The following CATSPERE variants were observed in gnomAD, a reference collection of about 807,000 sequenced individuals.
CATSPERE encodes the protein cation channel sperm-associated auxiliary subunit epsilon.
A neutral mutation model predicts 114.1 loss-of-function variants in CATSPERE; 93 were observed. That is an observed-to-expected ratio of 0.81 (90% CI 0.69 to 0.97). The LOEUF (loss-of-function observed/expected upper bound fraction) is 0.97, where lower values mean the gene tolerates loss of function less well. Among genes scored for constraint, CATSPERE ranks in the 50% least tolerant of loss-of-function variants. The pLI is 0.00. For missense variants in CATSPERE, 1,058 were observed against 1,131.6 expected, an observed-to-expected ratio of 0.93 and a Z score of 0.93; for synonymous variants, 341 against 384.1, an observed-to-expected ratio of 0.89 and a Z score of 1.31.
At chr1:244,582,929 A>AAATCAG (rs1558538835) in intron 12 of CATSPERE, among the ~76,000 whole-genome samples, 2 of 1,730 alleles carry the variant, frequency 1.2e-3, no homozygotes, top group East Asian at 0.022. Context: ...ATATATATAT[A>AAATCAG]TATATATATA....
chr1:244,637,914 C>T (rs1424286986), intron 21 of CATSPERE, among the ~76,000 whole-genome samples: 1 of 152,192 alleles, frequency 6.6e-6, no homozygotes, highest in Non-Finnish European at 1.5e-5. Flanking sequence ...AATCTACTAA[C>T]ATCTACATCC....
At chr1:244,491,397 G>A (rs1292471522) in intron 6 of CATSPERE, among the ~76,000 whole-genome samples, 9 of 151,698 alleles carry the variant, frequency 5.9e-5, no homozygotes, top group African/African-American at 9.7e-5. Flanking sequence ...TGAAACCAAC[G>A]AGAACAAAGA....
At chr1:244,634,706 CT>C (rs1674390665) in intron 20 of CATSPERE, among the ~76,000 whole-genome samples, 2 of 152,234 alleles carry the variant, frequency 1.3e-5, no homozygotes, top group Admixed American at 1.3e-4. Context: ...GCTGTGTAAA[CT>C]TTCTCAAGTT....
At chr1:244,464,659 G>A (rs73129752) in intron 2 of CATSPERE, among the ~76,000 whole-genome samples, 1,759 of 151,900 alleles carry the variant, frequency 0.012, 35 homozygotes, top group African/African-American at 0.04. Flanking sequence ...ACCAAAATTT[G>A]GTGTTATTAA....
intron 19 of CATSPERE, among the ~76,000 whole-genome samples, chr1:244,612,861 C>G (rs1022586721): frequency 1.9e-4 from 29 of 152,052 alleles, no homozygotes; most frequent in Admixed American, 1.6e-3. Context: ...GTGATTTGAT[C>G]AAGTGGGCTT....
At chr1:244,520,729 G>A (rs546054399) in intron 8 of CATSPERE, among the ~76,000 whole-genome samples, 1 of 152,264 alleles carries the variant, frequency 6.6e-6, no homozygotes, top group African/African-American at 2.4e-5. Flanking sequence ...CTAGGAAGGG[G>A]GCTGAATCCA....
intron 17 of CATSPERE, among the ~76,000 whole-genome samples, chr1:244,596,776 TTAA>T (rs991741416): frequency 7.6e-5 from 10 of 131,686 alleles, no homozygotes; most frequent in Admixed American, 1.6e-4. Flanking sequence ...AAAGTAAAAT[TTAA>T]AAAAAAAAAA....
intron 17 of CATSPERE, chr1:244,598,614 C>T: frequency 2.8e-6 from 1 of 355,816 alleles, no homozygotes; most frequent in Non-Finnish European, 5.8e-6. Flanking sequence ...CTTATGCTTG[C>T]CTCCCTTTTC....
chr1:244,475,962 A>G (rs563729982), intron 2 of CATSPERE, among the ~76,000 whole-genome samples: 14 of 152,238 alleles, frequency 9.2e-5, no homozygotes, highest in African/African-American at 2.4e-4. Flanking sequence ...TAAAGACTCC[A>G]AATATCTTAG....
intron 7 of CATSPERE, among the ~76,000 whole-genome samples, chr1:244,499,447 C>T (rs369428929): frequency 6.6e-6 from 1 of 152,012 alleles, no homozygotes; most frequent in Non-Finnish European, 1.5e-5. Flanking sequence ...TCTAGGTTTT[C>T]AGCCCTGTAT....
chr1:244,570,190 G>A (rs1016755274), intron 10 of CATSPERE, among the ~76,000 whole-genome samples: 1 of 151,874 alleles, frequency 6.6e-6, no homozygotes, highest in African/African-American at 2.4e-5. Flanking sequence ...GTCTTTCTAG[G>A]AAATAATTCA....
intron 8 of CATSPERE, among the ~76,000 whole-genome samples, chr1:244,537,883 A>G (rs1211802315): frequency 6.6e-6 from 1 of 152,206 alleles, no homozygotes; most frequent in African/African-American, 2.4e-5. Flanking sequence ...ATTGATTAGT[A>G]TAGCTATGTC....
chr1:244,453,197 G>A (rs765652614), upstream of CATSPERE, among the ~76,000 whole-genome samples: 21 of 152,284 alleles, frequency 1.4e-4, no homozygotes, highest in Non-Finnish European at 1.9e-4. Flanking sequence ...GATAATTGTT[G>A]TCTATCTTGG....
intron 5 of CATSPERE, among the ~76,000 whole-genome samples, chr1:244,489,450 ATTTT>A (rs10524749): frequency 1.2e-4 from 10 of 85,566 alleles, no homozygotes; most frequent in East Asian, 1.1e-3. Flanking sequence ...AAGCATGCAG[ATTTT>A]TTTTTTTTTT....
intron 8 of CATSPERE, among the ~76,000 whole-genome samples, chr1:244,529,138 A>C (rs1015521998): frequency 3.9e-5 from 6 of 152,222 alleles, no homozygotes; most frequent in Non-Finnish European, 7.3e-5. Context: ...TGCAATAAAC[A>C]TGGGAGTAGA....
At position 244,573,820 on chromosome 1, in the gene CATSPERE, A is replaced by AT. The variant is rs1664839903; in HGVS notation, c.1950+1050dup. Among the ~76,000 whole-genome samples the AT allele has an allele frequency of 6.6e-6, 1 of 152,244 alleles. No individual in the cohort carries two copies. The highest frequency in any genetic ancestry group is 1.5e-5 in the Non-Finnish European group (1 of 68,048). ...GGACATGCATATGGGAATGGGAAAA[A>AT]TTCTTGCAGCCATCTTTGCAAACAA... On this transcript the variant is annotated intron_variant, in intron 11 of 21. Coordinates refer to ENST00000366534, the MANE Select transcript of CATSPERE (RefSeq NM_001130957.2). The surrounding 1 kb of genome is among the most constrained non-coding windows in gnomAD (Gnocchi z 4.0).
intron 17 of CATSPERE, chr1:244,598,440 T>C (rs1668730702): frequency 6.1e-6 from 1 of 162,746 alleles, no homozygotes; most frequent in Admixed American, 6.3e-5. Context: ...CTGCCTTCCT[T>C]TTAACACCAG....
intron 17 of CATSPERE, among the ~76,000 whole-genome samples, chr1:244,594,359 A>C (rs1480598455): frequency 6.6e-6 from 1 of 152,224 alleles, no homozygotes; most frequent in African/African-American, 2.4e-5. Context: ...TAAAAATATG[A>C]ATGAAATGCT....
chr1:244,571,206 T>A lies in CATSPERE; in HGVS notation c.1508-1124T>A, dbSNP rs535483610. On this transcript the variant is annotated intron_variant, in intron 10 of 21. Transcript: ENST00000366534. ...CTGCATATATTTCTGATTAGATAAG[T>A]TTAAGTAGAATACAATTTATAGTAA... Among the ~76,000 whole-genome samples, 31 of 152,350 alleles carry A rather than the reference T, an allele frequency of 2.0e-4. No homozygotes were observed. The East Asian group carries it at 4.0e-3, about 20-fold the overall frequency.
Sources: allele counts gnomAD v4.1 joint callset (sites outside exome capture counted in the v4.1 genomes callset), GRCh38; gene constraint gnomAD v4.1.1; non-coding constraint Gnocchi (gnomAD v3.1); transcripts MANE v1.5; gene names NCBI Gene and HGNC (gene_info 2026-07-23, HGNC 2026-07-21).